UBN1: variants seen among roughly 807,000 people sequenced by gnomAD.
UBN1 encodes the protein ubinuclein 1.
UBN1 carries 17 observed loss-of-function variants against 108.5 expected under a neutral mutation model. That is an observed-to-expected ratio of 0.16 (90% CI 0.11 to 0.24). UBN1 has a LOEUF of 0.24. Ranked by LOEUF, UBN1 falls within the 10% of genes least tolerant of loss-of-function variation. UBN1 has a pLI of 1.00. For synonymous variants in UBN1, 726 were observed against 564.2 expected, an observed-to-expected ratio of 1.29 and a Z score of -4.07; for missense variants, 1,595 against 1,394.4, an observed-to-expected ratio of 1.14 and a Z score of -2.29.
rs1394283747 is a variant in UBN1 at position 4,858,072 on chromosome 16, A to G, written c.332A>G (p.Lys111Arg). The G allele has an allele frequency of 2.5e-6, 4 of 1,607,894 alleles. No homozygotes were observed. Among genetic ancestry groups the G allele is most frequent in the African/African-American group, 2.7e-5 (2 of 74,910 alleles). Residue 111 changes from lysine (K) to arginine (R), a missense_variant, in exon 3 of 18, where the codon AAA (lysine) becomes AGA (arginine). Coordinates refer to ENST00000262376, the MANE Select transcript of UBN1 (RefSeq NM_001079514.3). ...VEALARKFEE[K>R]YGGKKRRKDR... ...GCCCTTGCCCGAAAATTTGAAGAAA[A>G]ATACGTAAGATTTCTCTCTTGAATA...
chr16:4,874,496 C>A lies in UBN1; in HGVS notation c.2086C>A (p.Pro696Thr), dbSNP rs755829528. Residue 696 changes from proline (P) to threonine (T), a missense_variant, in exon 15 of 18, where the codon CCT (proline) becomes ACT (threonine). By Grantham distance (38) the Pro-to-Thr change is conservative. This residue lies in a region of UBN1 where 1,398 missense variants were observed against 1,194.7 expected (regional missense o/e 1.17). Transcript: ENST00000262376. ...RAAGNSEFTL[P>T]APSKAPAEKV... ...AGCTGGGAACTCTGAATTCACACTG[C>A]CTGCACCCTCAAAAGCACCTGCAGA... The A allele has an allele frequency of 3.1e-6, 5 of 1,614,214 alleles. No homozygotes were observed. Among genetic ancestry groups the A allele is most frequent in the Non-Finnish European group, 3.4e-6 (4 of 1,180,040 alleles).
intron 7 of UBN1, among the ~76,000 whole-genome samples, chr16:4,863,152 T>G (rs1217054511): frequency 6.6e-6 from 1 of 152,270 alleles, no homozygotes; most frequent in Non-Finnish European, 1.5e-5. Context: ...TATATGTTTT[T>G]ATGCAGCTGT....
In UBN1 at chr16:4,872,220, T is replaced by C. The variant is rs997406583; in HGVS notation, c.1707-664T>C. ...TCATACGAAGAACGTTTTTGTTGAG[T>C]TTCTCTGGACAAAGACATGCTGGGT... On this transcript the variant is annotated intron_variant, in intron 12 of 17. Transcript: ENST00000262376. 6.1e-6 allele frequency: 6 copies of C among 985,204 alleles called. No homozygotes were observed. The African/African-American group carries it at 1.0e-4, about 17-fold the overall frequency. The allele number at this position is 985,204 out of a possible 1,614,324, so 61.0% of individuals were successfully genotyped here.
At chr16:4,872,083 A>G (rs1447560806) in intron 12 of UBN1, 1 of 596,134 alleles carries the variant, frequency 1.7e-6, no homozygotes, top group Non-Finnish European at 2.1e-6. Flanking sequence ...TGTGTCATAC[A>G]TGGGACAGAG....
intron 8 of UBN1, 113 bp from the exon 9 acceptor site, chr16:4,870,099 A>G: frequency 6.6e-7 from 1 of 1,506,810 alleles, no homozygotes. Flanking sequence ...GTGACCAACA[A>G]GACAGGGTTT....
At chr16:4,863,355 A>C (rs1439109743) in intron 7 of UBN1, among the ~76,000 whole-genome samples, 1 of 152,088 alleles carries the variant, frequency 6.6e-6, no homozygotes, top group African/African-American at 2.4e-5. Flanking sequence ...TGTGTGTGCA[A>C]ATGCTCAGGA....
In UBN1 at chr16:4,858,769, C is replaced by T. The variant is rs1396038271; in HGVS notation, c.432+106C>T. 5.5e-6 allele frequency: 6 copies of T among 1,089,222 alleles called. No individual in the cohort carries two copies. In the East Asian group the frequency reaches 7.3e-5, roughly 13 times the overall value. 67.5% of individuals were successfully genotyped at this position (1,089,222 alleles called of 1,614,324 possible). A position where few individuals can be genotyped will look rare whatever the true frequency, so the allele number is the denominator to read the frequency against. Reference sequence around the variant, plus strand: ...GGTCAGAGCAGTCGTGCCCTCTTCCCAGCATGAGGCAGTAGCAGCACTGAT... The same window carrying T: ...GGTCAGAGCAGTCGTGCCCTCTTCCTAGCATGAGGCAGTAGCAGCACTGAT... On this transcript the variant is annotated intron_variant, in intron 4 of 17. Coordinates refer to ENST00000262376, the MANE Select transcript of UBN1 (RefSeq NM_001079514.3).
At chr16:4,855,910 A>G (rs951532632) in intron 2 of UBN1, among the ~76,000 whole-genome samples, 2 of 152,098 alleles carry the variant, frequency 1.3e-5, no homozygotes, top group Non-Finnish European at 2.9e-5. Context: ...TGGCGACTCC[A>G]TCTCCCCCTA....
At chr16:4,860,481 C>CT (rs932402431) in intron 6 of UBN1, among the ~76,000 whole-genome samples, 183 bp from the exon 7 acceptor site, 3 of 152,200 alleles carry the variant, frequency 2.0e-5, no homozygotes, top group African/African-American at 7.2e-5. Context: ...CCTGTATTAA[C>CT]TCTCAAGCTT....
In UBN1 at chr16:4,870,617, G is replaced by T. The variant is rs200265402; in HGVS notation, c.1413G>T (p.Thr471=). The T allele has an allele frequency of 1.5e-5, 25 of 1,614,062 alleles. No individual in the cohort carries two copies. The Admixed American group carries it at 4.0e-4, about 26-fold the overall frequency. The change falls in exon 10 of 18, where the codon ACG becomes ACT. Residue 471 remains threonine (T), a synonymous_variant. Coordinates refer to ENST00000262376, the MANE Select transcript of UBN1 (RefSeq NM_001079514.3). ...ACCAGGACGAATGCCAGGCACACACGCAGGCAAAGGTTGCCAAGTAAGTTT... is the reference window on the plus strand; with the variant it reads ...ACCAGGACGAATGCCAGGCACACACTCAGGCAAAGGTTGCCAAGTAAGTTT... ...AKYQDECQAH[T]QAKVAKMLEE...
At chr16:4,878,704 A>G (rs988812532) in intron 17 of UBN1, among the ~76,000 whole-genome samples, 8 of 152,172 alleles carry the variant, frequency 5.3e-5, no homozygotes, top group Admixed American at 4.6e-4. Flanking sequence ...CAGGAATGTT[A>G]CTCTCAGAAA....
At position 4,877,531 on chromosome 16, in the gene UBN1, C is replaced by G; in HGVS notation, c.3355+57C>G. On this transcript the variant is annotated intron_variant, in intron 17 of 17. Transcript: ENST00000262376. This position sits in a 1 kb window ranked among gnomAD's most constrained non-coding sequence, Gnocchi z 4.3. ...ACCGTGTGCCTTTGCCCTCTCCACC[C>G]CTAGGTGCTTTGCCGCTGCCAAGGG... 1 of 1,522,780 alleles carries G rather than the reference C, an allele frequency of 6.6e-7. No individual in the cohort carries two copies. Among genetic ancestry groups the G allele is most frequent in the South Asian group, 1.2e-5 (1 of 80,630 alleles). 94.3% of individuals were successfully genotyped at this position (1,522,780 alleles called of 1,614,324 possible).
chr16:4,857,811 A>G (rs1156428037), intron 2 of UBN1, among the ~76,000 whole-genome samples, 179 bp from the exon 3 acceptor site: 2 of 152,216 alleles, frequency 1.3e-5, no homozygotes, highest in Admixed American at 1.3e-4. Context: ...ACCTACATTA[A>G]GGGAAATTTT....
intron 6 of UBN1, among the ~76,000 whole-genome samples, chr16:4,860,261 TC>T (rs1404874012): frequency 6.6e-6 from 1 of 152,178 alleles, no homozygotes; most frequent in Admixed American, 6.5e-5. Context: ...TCCGCTGTTT[TC>T]CCTTGTTGTC....
Position 4,870,534 on chromosome 16 carries a change from C to A in UBN1, c.1330C>A (p.Pro444Thr). Reference sequence around the variant, plus strand: ...TTCGCAGGGGGGCCGTCTGAAGGAGCCTCTCCAGAAGCTCAAGGAAGCCAT... The same window carrying A: ...TTCGCAGGGGGGCCGTCTGAAGGAGACTCTCCAGAAGCTCAAGGAAGCCAT... ...LYEQGGRLKE[P>T]LQKLKEAIGR... Residue 444 changes from proline (P) to threonine (T), a missense_variant, in exon 10 of 18, where the codon CCT (proline) becomes ACT (threonine). Physicochemically the swap from Pro to Thr is conservative, Grantham distance 38. Transcript: ENST00000262376. 6.2e-7 allele frequency: 1 copy of A among 1,614,224 alleles called. No individual in the cohort carries two copies. Among genetic ancestry groups the A allele is most frequent in the South Asian group, 1.1e-5 (1 of 91,086 alleles).
intron 7 of UBN1, among the ~76,000 whole-genome samples, chr16:4,863,739 C>T (rs778467998): frequency 6.6e-6 from 1 of 152,150 alleles, no homozygotes; most frequent in Non-Finnish European, 1.5e-5. Flanking sequence ...CATAGCAGTT[C>T]GTTTCTCCTG....
Position 4,874,809 on chromosome 16 carries a change from C to G in UBN1, c.2399C>G (p.Pro800Arg). ...SHGPQVAVPV[P>R]GPQVKVFHAG... ...GGGCCCCAAGTGGCAGTTCCTGTGCCTGGCCCCCAGGTCAAAGTCTTTCAT... is the reference window on the plus strand; with the variant it reads ...GGGCCCCAAGTGGCAGTTCCTGTGCGTGGCCCCCAGGTCAAAGTCTTTCAT... The change falls in exon 15 of 18, where the codon CCT becomes CGT. Residue 800 changes from proline (P) to arginine (R), a missense_variant. By Grantham distance (103) the Pro-to-Arg change is moderately radical. Around this residue, in one of 3 missense-constraint regions of UBN1, gnomAD observed 1,398 missense variants for 1,194.7 expected, o/e 1.17. Transcript: ENST00000262376. 6.2e-7 allele frequency: 1 copy of G among 1,614,138 alleles called. No individual in the cohort carries two copies. Among genetic ancestry groups the G allele is most frequent in the Non-Finnish European group, 8.5e-7 (1 of 1,180,044 alleles).
rs369469145 is a variant in UBN1, at chr16:4,874,814, C to G, written c.2404C>G (p.Pro802Ala). Residue 802 changes from proline (P) to alanine (A), a missense_variant, in exon 15 of 18, where the codon CCC (proline) becomes GCC (alanine). Physicochemically the swap from Pro to Ala is conservative, Grantham distance 27 (BLOSUM62 -1). Around this residue, in one of 3 missense-constraint regions of UBN1, gnomAD observed 1,398 missense variants for 1,194.7 expected, o/e 1.17. Transcript: ENST00000262376. ...CCAAGTGGCAGTTCCTGTGCCTGGC[C>G]CCCAGGTCAAAGTCTTTCATGCCGG... ...GPQVAVPVPG[P>A]QVKVFHAGTQ... 1 of 1,613,978 alleles carries G rather than the reference C, an allele frequency of 6.2e-7. No individual in the cohort carries two copies. The highest frequency in any genetic ancestry group is 1.3e-5 in the African/African-American group (1 of 74,926).
chr16:4,856,132 A>C (rs2086797627), intron 2 of UBN1, among the ~76,000 whole-genome samples: 2 of 152,234 alleles, frequency 1.3e-5, no homozygotes, highest in African/African-American at 4.8e-5. Context: ...AGACAGGAGC[A>C]GGAGTTGGTT....
Sources: allele counts gnomAD v4.1 joint callset (sites outside exome capture counted in the v4.1 genomes callset), GRCh38; gene constraint gnomAD v4.1.1; regional missense constraint gnomAD v4.1.1; non-coding constraint Gnocchi (gnomAD v3.1); transcripts MANE v1.5; gene names NCBI Gene and HGNC (gene_info 2026-07-23, HGNC 2026-07-21).